CALD1: variants seen among roughly 807,000 people sequenced by gnomAD.
CALD1 encodes the protein caldesmon 1, also known as caldesmon.
A neutral mutation model predicts 99.9 loss-of-function variants in CALD1; 33 were observed. The observed-to-expected ratio is 0.33, with a 90% CI of 0.25 to 0.44. The LOEUF is 0.44. Among genes scored for constraint, CALD1 ranks in the 20% least tolerant of loss-of-function variants. The pLI is 1.00. For synonymous variants in CALD1, 310 were observed against 325.0 expected (o/e 0.95, Z 0.50); for missense variants, 861 against 962.1 (o/e 0.89, Z 1.39).
At chr7:134,919,759 A>G (rs1804475779) in intron 3 of CALD1, among the ~76,000 whole-genome samples, 1 of 152,196 alleles carries the variant, frequency 6.6e-6, no homozygotes, top group Non-Finnish European at 1.5e-5. Context: ...TGATACAGCA[A>G]TGAACCCCAC....
chr7:134,960,443 C>A (rs549630785), intron 12 of CALD1, 90 bp from the exon 13 acceptor site: 12 of 800,368 alleles, frequency 1.5e-5, no homozygotes, highest in Admixed American at 5.7e-5. Context: ...TGAAATCATA[C>A]TTAATGATAT....
chr7:134,780,159 C>T (rs540598146), intron 1 of CALD1, among the ~76,000 whole-genome samples: 1 of 152,290 alleles, frequency 6.6e-6, no homozygotes, highest in East Asian at 1.9e-4. Context: ...AGAGGTTTTG[C>T]TTTAAAAACA....
intron 11 of CALD1, 50 bp downstream of exon 11, chr7:134,958,340 G>A (rs1807934950): frequency 7.1e-7 from 1 of 1,402,816 alleles, no homozygotes; most frequent in Admixed American, 1.7e-5. Flanking sequence ...AATAGATTCT[G>A]ACTACATAGA....
the CALD1 span, among the ~76,000 whole-genome samples, chr7:134,721,140 G>A: frequency 6.6e-6 from 1 of 152,166 alleles, no homozygotes; most frequent in South Asian, 2.1e-4. Context: ...GCCTCCCTGT[G>A]TCCCCCACAG....
intron 6 of CALD1, among the ~76,000 whole-genome samples, chr7:134,939,918 C>T (rs1806292859): frequency 6.6e-6 from 1 of 151,950 alleles, no homozygotes. Context: ...GAGCTGAGAT[C>T]GCACCACTGC....
chr7:134,719,597 C>T, the CALD1 span, among the ~76,000 whole-genome samples: 1 of 152,052 alleles, frequency 6.6e-6, no homozygotes, highest in Non-Finnish European at 1.5e-5. Context: ...CGGTAGTTTG[C>T]GAGGGGGGAT....
rs1040053383 is a variant in CALD1 at position 134,920,578 on chromosome 7, T to C, written c.72-8176T>C. The C allele has an allele frequency of 2.3e-5, 29 of 1,287,944 alleles. No individual in the cohort carries two copies. The South Asian group carries it at 3.1e-4, about 14-fold the overall frequency. The allele number at this position is 1,287,944 out of a possible 1,614,324, so 79.8% of individuals were successfully genotyped here. On this transcript the variant is annotated intron_variant, in intron 3 of 14. Coordinates refer to ENST00000361675, the MANE Select transcript of CALD1 (RefSeq NM_033138.4). ...GCTGGGGACAGAATAGTGTTCTGGA[T>C]TGAGTATCTCAGTTACCAGCCTGAA...
rs1808966844 is a variant in CALD1, at chr7:134,970,452, G to A, written c.*2107G>A. ...TAATCTTTTGAAAAGTAAATTCCTT[G>A]TTTACTGGTTTGACTATAATTCTCT... On this transcript the variant is annotated 3_prime_UTR_variant, in exon 15 of 15. Coordinates refer to ENST00000361675, the MANE Select transcript of CALD1 (RefSeq NM_033138.4). 6.6e-6 allele frequency: 1 copy of A among 152,568 alleles called. No individual in the cohort carries two copies. Among genetic ancestry groups the A allele is most frequent in the Non-Finnish European group, 1.5e-5 (1 of 68,028 alleles). 9.5% of individuals were successfully genotyped at this position (152,568 alleles called of 1,614,324 possible).
chr7:134,827,330 A>G (rs1799038074), intron 1 of CALD1, among the ~76,000 whole-genome samples: 1 of 152,176 alleles, frequency 6.6e-6, no homozygotes, highest in African/African-American at 2.4e-5. Context: ...TGGGAAAATG[A>G]ATCCAGCACT....
chr7:134,834,099 G>C (rs1799336008), intron 1 of CALD1, among the ~76,000 whole-genome samples: 1 of 152,210 alleles, frequency 6.6e-6, no homozygotes, highest in Non-Finnish European at 1.5e-5. Flanking sequence ...TGATACGTCA[G>C]AGTAGCAACA....
rs1168826129 is a variant in CALD1, at chr7:134,969,055, T to C, written c.*710T>C. ...TTATGTATGTATGTGCATACACATA[T>C]ACAAACACACTAATGGTAGAATGCT... On this transcript the variant is annotated 3_prime_UTR_variant, in exon 15 of 15. Coordinates refer to ENST00000361675, the MANE Select transcript of CALD1 (RefSeq NM_033138.4). 1.3e-5 allele frequency: 2 copies of C among 156,282 alleles called. No homozygotes were observed. The highest frequency in any genetic ancestry group is 4.8e-5 in the African/African-American group (2 of 41,476). The allele number at this position is 156,282 out of a possible 1,614,324, so 9.7% of individuals were successfully genotyped here. A position where few individuals can be genotyped will look rare whatever the true frequency, so the allele number is the denominator to read the frequency against.
At chr7:134,853,359 A>G (rs1030914528) in intron 2 of CALD1, among the ~76,000 whole-genome samples, 1 of 152,182 alleles carries the variant, frequency 6.6e-6, no homozygotes, top group African/African-American at 2.4e-5. Context: ...AATTTGTTGA[A>G]TGAATACAAA....
intron 1 of CALD1, among the ~76,000 whole-genome samples, chr7:134,804,697 G>A (rs913814908): frequency 1.3e-5 from 2 of 152,174 alleles, no homozygotes; most frequent in Non-Finnish European, 2.9e-5. Flanking sequence ...ATTGTTTTTA[G>A]TATCTTTGAT....
intron 9 of CALD1, 55 bp downstream of exon 9, chr7:134,950,569 C>T: frequency 6.9e-7 from 1 of 1,446,896 alleles, no homozygotes; most frequent in Non-Finnish European, 9.6e-7. Context: ...TGGATTTTAG[C>T]CCCTTGTTTA....
rs751785084 is a variant in CALD1, at chr7:134,958,170, C to T, written c.1980-39C>T. 8 of 1,595,580 alleles carry T rather than the reference C, an allele frequency of 5.0e-6. No homozygotes were observed. In the South Asian group the frequency reaches 8.8e-5, roughly 18 times the overall value. On this transcript the variant is annotated intron_variant, in intron 10 of 14. Transcript: ENST00000361675. ...CAGCTAGCATATGTATGAGAAGATT[C>T]TCTCTCATATTTTTATATGTATGTG...
chr7:134,898,109 A>C (rs949651034), intron 3 of CALD1, among the ~76,000 whole-genome samples: 1 of 151,880 alleles, frequency 6.6e-6, no homozygotes, highest in Non-Finnish European at 1.5e-5. Flanking sequence ...GTTTAAGAAA[A>C]GTTTTTTTGG....
intron 1 of CALD1, among the ~76,000 whole-genome samples, chr7:134,795,965 G>C (rs1797730528): frequency 6.6e-6 from 1 of 152,146 alleles, no homozygotes; most frequent in African/African-American, 2.4e-5. Context: ...GTAGGAGTTT[G>C]AGAGTTATTT....
chr7:134,717,592 A>T, the CALD1 span, among the ~76,000 whole-genome samples: 1 of 152,250 alleles, frequency 6.6e-6, no homozygotes, highest in African/African-American at 2.4e-5. Flanking sequence ...ATCCAGCTGC[A>T]CTTGGCTGCT....
At chr7:134,811,706 T>A (rs1002494745) in intron 1 of CALD1, among the ~76,000 whole-genome samples, 3 of 152,218 alleles carry the variant, frequency 2.0e-5, no homozygotes, top group African/African-American at 4.8e-5. Context: ...GGGCTATTTT[T>A]AATGTTTCCT....
Sources: gnomAD v4.1 joint callset for allele counts (sites outside exome capture counted in the v4.1 genomes callset) on GRCh38, gnomAD v4.1.1 for gene constraint, MANE v1.5 for transcripts, NCBI Gene and HGNC (gene_info 2026-07-23, HGNC 2026-07-21) for gene names.